CNIH3: variants seen among roughly 807,000 people sequenced by gnomAD.
The protein encoded by CNIH3 is cornichon family AMPA receptor auxiliary protein 3.
Under a neutral mutation model 24.1 loss-of-function variants are expected in CNIH3, and 14 were observed. The ratio of observed to expected loss-of-function variants is 0.58; its 90% CI spans 0.38 to 0.91. The LOEUF is 0.91. Ranked by LOEUF, CNIH3 falls within the 40% of genes least tolerant of loss-of-function variation. The pLI, the probability that CNIH3 is intolerant of heterozygous loss-of-function variation, is 0.00. For synonymous variants in CNIH3, 68 were observed against 73.8 expected (o/e 0.92, Z 0.40); for missense variants, 178 against 196.8 (o/e 0.90, Z 0.57).
At chr1:224,550,496 T>C (rs192635514) in intron 3 of CNIH3, among the ~76,000 whole-genome samples, 1 of 152,288 alleles carries the variant, frequency 6.6e-6, no homozygotes, top group Admixed American at 6.5e-5. Flanking sequence ...CACTGGATAT[T>C]ATAGAAATAT....
intron 1 of CNIH3, among the ~76,000 whole-genome samples, chr1:224,639,697 CTCTG>C (rs1431395572): frequency 2.0e-5 from 3 of 152,282 alleles, no homozygotes; most frequent in East Asian, 3.9e-4. Flanking sequence ...GAGGACTGAA[CTCTG>C]TCTGTCATTC....
chr1:224,599,831 T>C (rs1357447544), intron 3 of CNIH3, among the ~76,000 whole-genome samples: 1 of 152,176 alleles, frequency 6.6e-6, no homozygotes, highest in Non-Finnish European at 1.5e-5. Context: ...TTCTCTAAAA[T>C]ATGGTTTAAT....
At position 224,437,759 on chromosome 1, in the gene CNIH3, A is replaced by G. The variant is rs559179525; in HGVS notation, n.203+2897A>G. Among the ~76,000 whole-genome samples, 8 of 152,362 alleles carry G rather than the reference A, an allele frequency of 5.3e-5. No individual in the cohort carries two copies. The South Asian group carries it at 1.4e-3, about 28-fold the overall frequency. On this transcript the variant is annotated intron_variant and non_coding_transcript_variant, in intron 1 of 5. Transcript: ENST00000471578. ...TTGTTTCAATGACAGACACATGTCTATGCTTTACAAAGTAAAATATATTTC... is the reference window on the plus strand; with the variant it reads ...TTGTTTCAATGACAGACACATGTCTGTGCTTTACAAAGTAAAATATATTTC...
chr1:224,578,288 A>T (rs533953516), intron 4 of CNIH3, among the ~76,000 whole-genome samples: 56 of 152,202 alleles, frequency 3.7e-4, no homozygotes, highest in Non-Finnish European at 6.2e-4. Flanking sequence ...ACTTACTACT[A>T]ATTTATTTCC....
At position 224,616,472 on chromosome 1, in the gene CNIH3, G is replaced by A; in HGVS notation, c.-703G>A. Reference sequence around the variant, plus strand: ...CGCCCCGGTCCGACCCCCGGTTTCCGGGACACTTGGGTTGCGGAGGCCGGC... The same window carrying A: ...CGCCCCGGTCCGACCCCCGGTTTCCAGGACACTTGGGTTGCGGAGGCCGGC... On this transcript the variant is annotated 5_prime_UTR_variant, in exon 1 of 6. Coordinates refer to ENST00000272133, the MANE Select transcript of CNIH3 (RefSeq NM_152495.2). 1.0e-6 allele frequency: 1 copy of A among 988,158 alleles called. No individual in the cohort carries two copies. The highest frequency in any genetic ancestry group is 1.2e-6 in the Non-Finnish European group (1 of 831,184). The allele number at this position is 988,158 out of a possible 1,614,324, so 61.2% of individuals were successfully genotyped here.
At chr1:224,474,745 G>A (rs1676500761) in intron 1 of CNIH3, among the ~76,000 whole-genome samples, 1 of 152,058 alleles carries the variant, frequency 6.6e-6, no homozygotes, top group Non-Finnish European at 1.5e-5. Flanking sequence ...AGGGAAATCG[G>A]AGCCCGGGCC....
At chr1:224,583,763 C>T (rs1012604152) in intron 5 of CNIH3, among the ~76,000 whole-genome samples, 1 of 152,106 alleles carries the variant, frequency 6.6e-6, no homozygotes, top group African/African-American at 2.4e-5. Flanking sequence ...TGTTATATTC[C>T]CTGGCTAAAA....
At position 224,616,737 on chromosome 1, in the gene CNIH3, C is replaced by A; in HGVS notation, c.-438C>A. 1.0e-6 allele frequency: 1 copy of A among 1,001,480 alleles called. No homozygotes were observed. 62.0% of individuals were successfully genotyped at this position (1,001,480 alleles called of 1,614,324 possible). A position where few individuals can be genotyped will look rare whatever the true frequency, so the allele number is the denominator to read the frequency against. On this transcript the variant is annotated 5_prime_UTR_variant, in exon 1 of 6. Transcript: ENST00000272133. ...GCGGGAGGGTCCGGAGCGGAGCGCT[C>A]GTCTCTCCTCAGCGGTTTAGTGGAG...
intron 1 of CNIH3, among the ~76,000 whole-genome samples, chr1:224,506,707 T>C (rs1677933845): frequency 6.6e-6 from 1 of 152,128 alleles, no homozygotes; most frequent in African/African-American, 2.4e-5. Flanking sequence ...GTTGCTTGCT[T>C]TTCCATTAGA....
Position 224,733,218 on chromosome 1 carries a change from C to T in CNIH3, c.312-1345C>T, listed in dbSNP as rs181733759. ...CCTTTGCAGTGGGCAATTCCATCCC[C>T]ATTTCACCGATGAGAAAGTTGAGGC... On this transcript the variant is annotated intron_variant, in intron 4 of 5. Coordinates refer to ENST00000272133, the MANE Select transcript of CNIH3 (RefSeq NM_152495.2). Among the ~76,000 whole-genome samples, 105 of 152,320 alleles carry T rather than the reference C, an allele frequency of 6.9e-4. 1 individual carries two copies. The highest frequency in any genetic ancestry group is 2.4e-3 in the African/African-American group (100 of 41,576).
At chr1:224,642,769 T>G (rs1684420484) in intron 1 of CNIH3, among the ~76,000 whole-genome samples, 1 of 152,204 alleles carries the variant, frequency 6.6e-6, no homozygotes. Flanking sequence ...GTCTTAGAAC[T>G]GCACATATAT....
chr1:224,520,686 AT>A (rs1169570638), intron 1 of CNIH3, among the ~76,000 whole-genome samples: 2 of 152,196 alleles, frequency 1.3e-5, no homozygotes, highest in African/African-American at 4.8e-5. Flanking sequence ...TCAGTCCCGA[AT>A]TTGTGTACTG....
At chr1:224,679,330 ACT>A (rs1686289904) in intron 1 of CNIH3, among the ~76,000 whole-genome samples, 1 of 152,094 alleles carries the variant, frequency 6.6e-6, no homozygotes. Flanking sequence ...ACAGAGTGAG[ACT>A]CTGTCTCAAA....
intron 1 of CNIH3, among the ~76,000 whole-genome samples, chr1:224,643,580 G>A (rs983394039): frequency 1.3e-5 from 2 of 152,178 alleles, no homozygotes; most frequent in South Asian, 2.1e-4. Context: ...CCTCCCTTCT[G>A]TTGTGGGACT....
At chr1:224,591,349 C>T (rs1199974423), downstream of CNIH3, among the ~76,000 whole-genome samples, 2 of 152,200 alleles carry the variant, frequency 1.3e-5, no homozygotes, top group Admixed American at 1.3e-4. Context: ...GTGGGACTCC[C>T]TGGGTTTGAA....
intron 4 of CNIH3, chr1:224,574,572 C>T (rs1680954209): frequency 1.3e-6 from 1 of 775,714 alleles, no homozygotes; most frequent in Non-Finnish European, 2.4e-6. Flanking sequence ...CGACTGTGCC[C>T]ACGTGTACCA....
chr1:224,728,596 C>T (rs532121367), intron 3 of CNIH3, among the ~76,000 whole-genome samples: 46 of 152,306 alleles, frequency 3.0e-4, no homozygotes, highest in Non-Finnish European at 5.7e-4. Flanking sequence ...ATGTCTTACA[C>T]GTGTGCTGTG....
At chr1:224,515,461 T>TAGC (rs1365196654), upstream of CNIH3, among the ~76,000 whole-genome samples, 3 of 152,248 alleles carry the variant, frequency 2.0e-5, no homozygotes, top group African/African-American at 7.2e-5. Flanking sequence ...GATTCCTCAT[T>TAGC]AGCAGCAGCA....
chr1:224,584,098 C>A (rs895760243), intron 5 of CNIH3, among the ~76,000 whole-genome samples: 2 of 152,272 alleles, frequency 1.3e-5, no homozygotes, highest in South Asian at 4.1e-4. Flanking sequence ...TAGCGGACAA[C>A]TTTTAAAAAG....
Sources: gnomAD v4.1 joint callset for allele counts (sites outside exome capture counted in the v4.1 genomes callset) on GRCh38, gnomAD v4.1.1 for gene constraint, MANE v1.5 for transcripts, NCBI Gene and HGNC (gene_info 2026-07-23, HGNC 2026-07-21) for gene names.